MITF: variants seen among roughly 807,000 people sequenced by gnomAD.
The protein encoded by MITF is melanocyte inducing transcription factor, also known as microphthalmia-associated transcription factor.
In MITF, 17 loss-of-function variants were observed where a neutral mutation model predicts 60.5. That is an observed-to-expected ratio of 0.28 (90% confidence interval 0.19 to 0.42). The LOEUF (loss-of-function observed/expected upper bound fraction) is 0.42. Among genes scored for constraint, MITF ranks in the 10% least tolerant of loss-of-function variants. The probability of loss-of-function intolerance (pLI) is 1.00; values close to 1 mark genes in which losing one functional copy is unlikely to be tolerated. For missense variants in MITF, 622 were observed against 683.5 expected, an observed-to-expected ratio of 0.91 and a Z score of 1.00; for synonymous variants, 260 against 248.5, an observed-to-expected ratio of 1.05 and a Z score of -0.43.
At chr3:69,742,706 G>T (rs1183344887) in intron 1 of MITF, among the ~76,000 whole-genome samples, 1 of 152,174 alleles carries the variant, frequency 6.6e-6, no homozygotes, top group Non-Finnish European at 1.5e-5. Flanking sequence ...GTGTGACGTT[G>T]ACTGTGGGAA....
chr3:69,941,264 G>C lies in MITF; in HGVS notation c.695G>C (p.Ser232Thr), dbSNP rs764477527. The change falls in exon 5 of 10, where the codon AGC becomes ACC. Residue 232 changes from serine (S) to threonine (T), a missense_variant. Ser to Thr is a moderately conservative substitution (Grantham distance 58). This residue lies in a region of MITF where 215 missense variants were observed against 224.8 expected (regional missense o/e 0.96). Transcript: ENST00000352241. ...GATGATGTAATCGATGACATCATTAGCCTAGAATCAAGTTATAATGAGGAA... is the reference window on the plus strand; with the variant it reads ...GATGATGTAATCGATGACATCATTACCCTAGAATCAAGTTATAATGAGGAA... ...QMDDVIDDIISLESSYNEEIL... is the reference protein window; with the variant it reads ...QMDDVIDDIITLESSYNEEIL... 6.2e-7 allele frequency: 1 copy of C among 1,612,560 alleles called. No homozygotes were observed. The highest frequency in any genetic ancestry group is 1.7e-5 in the Admixed American group (1 of 59,962).
At chr3:69,954,273 A>G (rs1339605795) in intron 7 of MITF, among the ~76,000 whole-genome samples, 2 of 152,216 alleles carry the variant, frequency 1.3e-5, no homozygotes, top group Middle Eastern at 3.2e-3. Flanking sequence ...AGAGCGTACT[A>G]TGTGCCAGAT....
chr3:69,819,615 CAACAAAACAA>C (rs56902121), intron 1 of MITF, among the ~76,000 whole-genome samples: 5 of 150,504 alleles, frequency 3.3e-5, no homozygotes, highest in African/African-American at 7.3e-5. Flanking sequence ...AGAGTGAACT[CAACAAAACAA>C]AACAAAACAA....
At chr3:69,843,792 G>C (rs548165639) in intron 1 of MITF, among the ~76,000 whole-genome samples, 1 of 152,040 alleles carries the variant, frequency 6.6e-6, no homozygotes, top group African/African-American at 2.4e-5. Context: ...TGTGCAGAAC[G>C]TACAGGTTTG....
intron 1 of MITF, among the ~76,000 whole-genome samples, chr3:69,847,275 A>T (rs1304366433): frequency 3.3e-5 from 5 of 152,204 alleles, no homozygotes; most frequent in African/African-American, 1.2e-4. Flanking sequence ...GAGTGAATAA[A>T]ATCAAGGGAT....
At chr3:69,959,483 G>A (rs1446324219) in intron 9 of MITF, 63 bp downstream of exon 9, 11 of 1,593,428 alleles carry the variant, frequency 6.9e-6, no homozygotes, top group Non-Finnish European at 8.6e-6. Context: ...GTAGAAACAG[G>A]GATATAATGA....
chr3:69,758,063 T>A (rs2062155597), intron 1 of MITF, among the ~76,000 whole-genome samples: 1 of 136,610 alleles, frequency 7.3e-6, no homozygotes. Flanking sequence ...AATACTCTCT[T>A]CCACCACTCA....
rs1466944941 is a variant in MITF, at chr3:69,879,471, GT to G, written c.354+90del. The G allele has an allele frequency of 4.4e-6, 7 of 1,586,726 alleles. No individual in the cohort carries two copies. In the African/African-American group the frequency reaches 9.4e-5, roughly 21 times the overall value. ...TTTTGTTTATCTGAATATGTATTTT[GT>G]TAGACTGACCCTTCAGAATTATATT... On this transcript the variant is annotated intron_variant, in intron 2 of 9. Coordinates refer to ENST00000352241, the MANE Select transcript of MITF (RefSeq NM_001354604.2).
At chr3:69,924,746 C>T (rs936137587) in intron 2 of MITF, among the ~76,000 whole-genome samples, 3 of 152,176 alleles carry the variant, frequency 2.0e-5, no homozygotes, top group Non-Finnish European at 4.4e-5. Flanking sequence ...CAGGAATTTA[C>T]AATTTCCCTA....
In MITF at chr3:69,739,623, C is replaced by T; in HGVS notation, c.26C>T (p.Pro9Leu). 6.3e-7 allele frequency: 1 copy of T among 1,581,452 alleles called. No homozygotes were observed. The highest frequency in any genetic ancestry group is 8.6e-7 in the Non-Finnish European group (1 of 1,161,986). Residue 9 changes from proline (P) to leucine (L), a missense_variant, in exon 1 of 10, where the codon CCG (proline) becomes CTG (leucine). Around this residue, in one of 5 missense-constraint regions of MITF, gnomAD observed 149 missense variants for 157.8 expected, o/e 0.94. Coordinates refer to ENST00000352241, the MANE Select transcript of MITF (RefSeq NM_001354604.2). ...ATGCAGTCCGAATCGGGGATCGTGCCGGATTTCGAAGTCGGGGAGGAGTTT... is the reference window on the plus strand; with the variant it reads ...ATGCAGTCCGAATCGGGGATCGTGCTGGATTTCGAAGTCGGGGAGGAGTTT... Reference protein sequence around the residue: MQSESGIVPDFEVGEEFHE... With the variant: MQSESGIVLDFEVGEEFHE...
chr3:69,805,632 C>T (rs1366610878), intron 1 of MITF, among the ~76,000 whole-genome samples: 5 of 152,010 alleles, frequency 3.3e-5, no homozygotes, highest in Admixed American at 6.5e-5. Flanking sequence ...AACAGACACT[C>T]GATAAATATT....
chr3:69,847,495 A>G (rs2063752321), intron 1 of MITF, among the ~76,000 whole-genome samples: 1 of 152,230 alleles, frequency 6.6e-6, no homozygotes, highest in Non-Finnish European at 1.5e-5. Flanking sequence ...AAATGAGGTC[A>G]GAGCTAGTAA....
chr3:69,952,032 C>T, intron 7 of MITF, 146 bp downstream of exon 7: 4 of 681,664 alleles, frequency 5.9e-6, no homozygotes, highest in Non-Finnish European at 1.1e-5. Flanking sequence ...TTGACAGAAA[C>T]CAAGGTATAT....
At chr3:69,905,934 A>G (rs1205544459) in intron 2 of MITF, among the ~76,000 whole-genome samples, 1 of 152,094 alleles carries the variant, frequency 6.6e-6, no homozygotes, top group Non-Finnish European at 1.5e-5. Flanking sequence ...ATGTCTTTCC[A>G]TTCTATTAAT....
intron 1 of MITF, among the ~76,000 whole-genome samples, chr3:69,796,494 C>CTTTTTTTTTTGT (rs2062830367): frequency 1.2e-5 from 1 of 80,328 alleles, no homozygotes; most frequent in Admixed American, 1.5e-4. Flanking sequence ...CACCGTCTTT[C>CTTTTTTTTTTGT]TTTTTTTTTT....
At chr3:69,765,973 A>G (rs1367370179) in intron 1 of MITF, among the ~76,000 whole-genome samples, 1 of 152,230 alleles carries the variant, frequency 6.6e-6, no homozygotes, top group African/African-American at 2.4e-5. Context: ...AATAGAATAA[A>G]GAGCGGAAAG....
At chr3:69,955,535 C>T (rs952433054) in intron 7 of MITF, among the ~76,000 whole-genome samples, 4 of 152,088 alleles carry the variant, frequency 2.6e-5, no homozygotes, top group East Asian at 1.9e-4. Context: ...TAAAAAAGGC[C>T]GGACGCAGTG....
intron 2 of MITF, among the ~76,000 whole-genome samples, chr3:69,897,495 T>G (rs2064901954): frequency 6.6e-6 from 1 of 152,184 alleles, no homozygotes; most frequent in African/African-American, 2.4e-5. Flanking sequence ...GGCCAAATCC[T>G]GCTACCATCT....
chr3:69,936,947 C>CTT lies in MITF; in HGVS notation c.355-858_355-857dup, dbSNP rs79472179. On this transcript the variant is annotated intron_variant, in intron 2 of 9. Coordinates refer to ENST00000352241, the MANE Select transcript of MITF (RefSeq NM_001354604.2). ...GAACAAAGTAAATATTAGTAGGATT[C>CTT]TTTTTTTTTTTTTTTTTTGGCCTAG... 1.2e-3 allele frequency: 322 copies of CTT among 273,432 alleles called. 1 individual carries two copies. Among genetic ancestry groups the CTT allele is most frequent in the Middle Eastern group, 2.2e-3 (2 of 894 alleles). The allele number at this position is 273,432 out of a possible 1,614,324, so 16.9% of individuals were successfully genotyped here. A position where few individuals can be genotyped will look rare whatever the true frequency, so the allele number is the denominator to read the frequency against.
Sources: allele counts gnomAD v4.1 joint callset (sites outside exome capture counted in the v4.1 genomes callset), GRCh38; gene constraint gnomAD v4.1.1; regional missense constraint gnomAD v4.1.1; transcripts MANE v1.5; gene names NCBI Gene and HGNC (gene_info 2026-07-23, HGNC 2026-07-21).